The following KLRG1 variants were observed in gnomAD, a reference collection of about 807,000 sequenced individuals.
KLRG1 encodes killer cell lectin like receptor G1.
KLRG1 carries 16 observed loss-of-function variants against 21.8 expected under a neutral mutation model. The ratio of observed to expected loss-of-function variants is 0.73; its 90% CI spans 0.50 to 1.11. The LOEUF (loss-of-function observed/expected upper bound fraction) is 1.11, where lower values mean the gene tolerates loss of function less well. Among genes scored for constraint, KLRG1 ranks in the 50% most tolerant of loss-of-function variants. The pLI is 0.00. For synonymous variants in KLRG1, 69 were observed against 75.9 expected, an observed-to-expected ratio of 0.91 and a Z score of 0.47; for missense variants, 173 against 218.3, an observed-to-expected ratio of 0.79 and a Z score of 1.31.
At chr12:8,984,378 A>G (rs554264707) in intron 1 of KLRG1, among the ~76,000 whole-genome samples, 3 of 151,988 alleles carry the variant, frequency 2.0e-5, no homozygotes, top group Non-Finnish European at 4.4e-5. Context: ...AATGTTTTAT[A>G]TTTTTAGTAG....
intron 1 of KLRG1, among the ~76,000 whole-genome samples, chr12:8,959,529 C>G (rs776096857): frequency 6.6e-6 from 1 of 152,284 alleles, no homozygotes; most frequent in Non-Finnish European, 1.5e-5. Flanking sequence ...CCTCTGAACT[C>G]TTGGGGGGAT....
chr12:8,950,582 T>A (rs769771424), intron 1 of KLRG1, among the ~76,000 whole-genome samples: 6 of 152,322 alleles, frequency 3.9e-5, no homozygotes, highest in African/African-American at 1.4e-4. Context: ...TAGCATGTTT[T>A]CATTCCGCTT....
At chr12:9,005,464 A>G (rs1442258034) in intron 3 of KLRG1, among the ~76,000 whole-genome samples, 1 of 152,220 alleles carries the variant, frequency 6.6e-6, no homozygotes, top group East Asian at 1.9e-4. Context: ...ACTAGAGGAC[A>G]CTGTGTTAAG....
At chr12:9,097,549 G>A in the KLRG1 span, among the ~76,000 whole-genome samples, 5 of 151,166 alleles carry the variant, frequency 3.3e-5, no homozygotes, top group East Asian at 3.9e-4. Context: ...ATTTCCCTAA[G>A]TTTTGTTCCT....
At chr12:9,036,387 T>C in the KLRG1 span, 1 of 162,806 alleles carries the variant, frequency 6.1e-6, no homozygotes, top group Non-Finnish European at 1.3e-5. Flanking sequence ...CCAGTGTGGA[T>C]TTCTTCATCA....
the KLRG1 span, chr12:9,194,237 A>C: frequency 8.7e-6 from 14 of 1,613,660 alleles, no homozygotes; most frequent in South Asian, 2.2e-5. Flanking sequence ...CACCAGAAGC[A>C]CCTAAAGAAG....
At chr12:9,019,351 A>T in the KLRG1 span, among the ~76,000 whole-genome samples, 1 of 152,166 alleles carries the variant, frequency 6.6e-6, no homozygotes, top group East Asian at 1.9e-4. Context: ...ACTGTGGACA[A>T]CAATATGTAG....
the KLRG1 span, among the ~76,000 whole-genome samples, chr12:9,076,590 T>C: frequency 2.6e-5 from 4 of 152,196 alleles, no homozygotes; most frequent in Non-Finnish European, 5.9e-5. Flanking sequence ...TCTGATTTGA[T>C]TAAGAAATCC....
chr12:9,097,920 C>T, the KLRG1 span, among the ~76,000 whole-genome samples: 1 of 152,198 alleles, frequency 6.6e-6, no homozygotes, highest in South Asian at 2.1e-4. Flanking sequence ...CGTGAGCCAC[C>T]AGGCCCAGCC....
At chr12:9,141,776 T>G in the KLRG1 span, among the ~76,000 whole-genome samples, 1 of 152,230 alleles carries the variant, frequency 6.6e-6, no homozygotes, top group African/African-American at 2.4e-5. Context: ...TAGCAACCTT[T>G]ACTTTTGTTG....
chr12:9,120,283 G>T, the KLRG1 span, among the ~76,000 whole-genome samples: 2 of 152,144 alleles, frequency 1.3e-5, no homozygotes, highest in Admixed American at 1.3e-4. Context: ...CACACAATTT[G>T]AACCAGTTCT....
chr12:8,975,923 G>T (rs1000604980), intron 1 of KLRG1, among the ~76,000 whole-genome samples: 2 of 151,630 alleles, frequency 1.3e-5, no homozygotes, highest in African/African-American at 4.8e-5. Flanking sequence ...ATAAACTCTT[G>T]GTTTTGTCAA....
the KLRG1 span, chr12:9,194,175 C>A: frequency 6.2e-7 from 1 of 1,613,974 alleles, no homozygotes; most frequent in South Asian, 1.1e-5. Flanking sequence ...TAATTGGCGT[C>A]ATTCACAGAG....
At chr12:8,989,483 C>T (rs1372415658), upstream of KLRG1, 2 of 581,878 alleles carry the variant, frequency 3.4e-6, no homozygotes, top group African/African-American at 3.8e-5. Flanking sequence ...TAGGCAGCCC[C>T]CAAATTTGAA....
chr12:8,955,359 G>C (rs1482082744), intron 1 of KLRG1, among the ~76,000 whole-genome samples: 2 of 144,824 alleles, frequency 1.4e-5, no homozygotes, highest in African/African-American at 5.1e-5. Flanking sequence ...TAGTCCTAGA[G>C]GCAACTATTG....
chr12:9,036,596 G>GA, the KLRG1 span: 1 of 176,160 alleles, frequency 5.7e-6, no homozygotes, highest in Non-Finnish European at 1.2e-5. Context: ...GACTTTCCCA[G>GA]AAAAATGAGA....
intron 1 of KLRG1, among the ~76,000 whole-genome samples, chr12:8,953,047 A>ACC (rs34775195): frequency 4.8e-5 from 7 of 146,272 alleles, no homozygotes; most frequent in African/African-American, 1.8e-4. Flanking sequence ...AGCTAGTGAC[A>ACC]CCCCCCCCCC....
At chr12:9,072,753 A>G in the KLRG1 span, 1 of 1,614,186 alleles carries the variant, frequency 6.2e-7, no homozygotes, top group Admixed American at 1.7e-5. Flanking sequence ...GTTGTTGTCC[A>G]CTTGGAATTT....
At chr12:9,094,887 T>C in the KLRG1 span, 1 of 658,566 alleles carries the variant, frequency 1.5e-6, no homozygotes, top group Non-Finnish European at 2.3e-6. Flanking sequence ...TTTTTGTTTG[T>C]TAATTTTTGT....
Sources: allele counts gnomAD v4.1 joint callset (sites outside exome capture counted in the v4.1 genomes callset), GRCh38; gene constraint gnomAD v4.1.1; transcripts MANE v1.5; gene names NCBI Gene and HGNC (gene_info 2026-07-23, HGNC 2026-07-21).